ARHGAP12: variants seen among roughly 807,000 people sequenced by gnomAD.
ARHGAP12 encodes the protein Rho GTPase activating protein 12.
A neutral mutation model predicts 108.6 loss-of-function variants in ARHGAP12; 64 were observed. The observed-to-expected ratio is 0.59, with a 90% CI of 0.48 to 0.73. ARHGAP12 has a LOEUF of 0.73. Ranked by LOEUF, ARHGAP12 falls within the 30% of genes least tolerant of loss-of-function variation. The probability of loss-of-function intolerance (pLI) is 0.00; values close to 1 mark genes in which losing one functional copy is unlikely to be tolerated. For missense variants in ARHGAP12, 940 were observed against 1,005.9 expected, an observed-to-expected ratio of 0.93 and a Z score of 0.89; for synonymous variants, 312 against 337.2, an observed-to-expected ratio of 0.93 and a Z score of 0.82.
intron 4 of ARHGAP12, among the ~76,000 whole-genome samples, chr10:31,856,924 A>G (rs1836907350): frequency 6.6e-6 from 1 of 152,264 alleles, no homozygotes; most frequent in African/African-American, 2.4e-5. Flanking sequence ...AAAAAACTAT[A>G]AAGAATATTA....
chr10:31,812,471 T>C (rs1037144484), intron 15 of ARHGAP12, among the ~76,000 whole-genome samples: 2 of 152,214 alleles, frequency 1.3e-5, no homozygotes, highest in Non-Finnish European at 2.9e-5. Flanking sequence ...ATGTAGTTCC[T>C]CTGAAACAGG....
intron 1 of ARHGAP12, among the ~76,000 whole-genome samples, chr10:31,928,038 T>C (rs908613711): frequency 6.6e-6 from 1 of 151,992 alleles, no homozygotes; most frequent in Non-Finnish European, 1.5e-5. Flanking sequence ...AAGTGTCCGG[T>C]TTAAGGTCAA....
chr10:31,865,803 A>G (rs1450838081), intron 3 of ARHGAP12, among the ~76,000 whole-genome samples: 4 of 151,482 alleles, frequency 2.6e-5, no homozygotes, highest in African/African-American at 7.3e-5. Flanking sequence ...GCGTGAACCC[A>G]GGAGGCAGAG....
chr10:31,920,552 A>G (rs1212546481), intron 1 of ARHGAP12, among the ~76,000 whole-genome samples: 2 of 149,936 alleles, frequency 1.3e-5, no homozygotes, highest in Non-Finnish European at 3.0e-5. Flanking sequence ...CATCTACTGG[A>G]AAAAAAAAAT....
chr10:31,820,658 A>G (rs1835377180), intron 11 of ARHGAP12, among the ~76,000 whole-genome samples, 170 bp from the exon 12 acceptor site: 1 of 150,928 alleles, frequency 6.6e-6, no homozygotes, highest in African/African-American at 2.4e-5. Flanking sequence ...AAAAATATCT[A>G]GAATATATGA....
chr10:31,811,676 T>TTTTAG (rs1484614004), intron 15 of ARHGAP12, among the ~76,000 whole-genome samples: 2 of 151,552 alleles, frequency 1.3e-5, no homozygotes, highest in Admixed American at 6.6e-5. Flanking sequence ...TTTTATTTTA[T>TTTTAG]TTTATTTTTT....
intron 9 of ARHGAP12, among the ~76,000 whole-genome samples, chr10:31,836,561 T>C (rs1367478376): frequency 7.4e-6 from 1 of 136,048 alleles, no homozygotes; most frequent in Non-Finnish European, 1.6e-5. Context: ...AGATGAGCAA[T>C]CTGCAGGGAT....
At chr10:31,848,735 T>G (rs1836559518) in intron 6 of ARHGAP12, among the ~76,000 whole-genome samples, 1 of 152,258 alleles carries the variant, frequency 6.6e-6, no homozygotes, top group Admixed American at 6.5e-5. Context: ...CATTTAATTC[T>G]GATCATCCAC....
intron 1 of ARHGAP12, among the ~76,000 whole-genome samples, chr10:31,921,785 A>G (rs112092646): frequency 0.11 from 15,113 of 142,888 alleles, 1,130 homozygotes; most frequent in Non-Finnish European, 0.15. Flanking sequence ...AAAAAAAAAA[A>G]AAAAAGTTTG....
intron 3 of ARHGAP12, among the ~76,000 whole-genome samples, chr10:31,893,536 A>G (rs1838546961): frequency 6.7e-6 from 1 of 148,442 alleles, no homozygotes; most frequent in Non-Finnish European, 1.5e-5. Context: ...CCCTCCCAAG[A>G]CTAAACCAGG....
At chr10:31,897,489 G>T (rs925428928) in intron 3 of ARHGAP12, among the ~76,000 whole-genome samples, 1 of 152,088 alleles carries the variant, frequency 6.6e-6, no homozygotes, top group Non-Finnish European at 1.5e-5. Flanking sequence ...GTTGGGTGTG[G>T]GGTGGGGGCG....
At chr10:31,849,360 CT>C (rs1836585798) in intron 6 of ARHGAP12, among the ~76,000 whole-genome samples, 1 of 152,060 alleles carries the variant, frequency 6.6e-6, no homozygotes, top group Non-Finnish European at 1.5e-5. Flanking sequence ...CATGTTTCTT[CT>C]TTCCAAACTT....
chr10:31,863,179 A>T (rs1039799819), intron 3 of ARHGAP12, among the ~76,000 whole-genome samples: 2 of 152,232 alleles, frequency 1.3e-5, no homozygotes, highest in Non-Finnish European at 2.9e-5. Context: ...TTAGCTTCAA[A>T]TTTATCACTA....
chr10:31,908,702 G>C lies in ARHGAP12; in HGVS notation c.154C>G (p.Gln52Glu), dbSNP rs774726531. 6.2e-7 allele frequency: 1 copy of C among 1,614,064 alleles called. No homozygotes were observed. The highest frequency in any genetic ancestry group is 8.5e-7 in the Non-Finnish European group (1 of 1,180,018). The change falls in exon 3 of 20, where the codon CAA becomes GAA. Residue 52 changes from glutamine to glutamate, a missense_variant. Coordinates refer to ENST00000344936, the MANE Select transcript of ARHGAP12 (RefSeq NM_018287.7). Reference protein sequence around the residue: ...LVKKTNDDWWQVKPDENSKAF... With the variant: ...LVKKTNDDWWEVKPDENSKAF... ...TTGGAGTTTTCATCTGGCTTGACTT[G>C]CCACCAGTCATCATTGGTCTTTTTC... is the stretch of plus-strand genomic sequence containing the variant.
At chr10:31,809,984 A>G (rs368720219) in intron 16 of ARHGAP12, among the ~76,000 whole-genome samples, 16 of 152,148 alleles carry the variant, frequency 1.1e-4, no homozygotes, top group African/African-American at 3.4e-4. Flanking sequence ...CCCTATTGCC[A>G]TGTTGACAAG....
At chr10:31,894,517 A>G (rs967629355) in intron 3 of ARHGAP12, among the ~76,000 whole-genome samples, 37 of 152,192 alleles carry the variant, frequency 2.4e-4, no homozygotes, top group Non-Finnish European at 1.3e-4. Context: ...AAGAAAATAA[A>G]ATACCTAGGA....
chr10:31,885,801 A>G (rs1427223217), intron 3 of ARHGAP12, among the ~76,000 whole-genome samples: 1 of 151,554 alleles, frequency 6.6e-6, no homozygotes, highest in African/African-American at 2.4e-5. Flanking sequence ...CCTGGGTGAC[A>G]GAGCGAGACA....
chr10:31,927,149 G>A (rs1306057137), intron 1 of ARHGAP12, among the ~76,000 whole-genome samples: 2 of 152,140 alleles, frequency 1.3e-5, no homozygotes, highest in Non-Finnish European at 1.5e-5. Flanking sequence ...GGTCTGGCTC[G>A]TCAGGTGGCA....
At chr10:31,896,288 C>T (rs1473583097) in intron 3 of ARHGAP12, among the ~76,000 whole-genome samples, 4 of 135,688 alleles carry the variant, frequency 2.9e-5, no homozygotes, top group Non-Finnish European at 6.2e-5. Flanking sequence ...TCCAGGACAT[C>T]ATTAAACTTT....
Sources: allele counts gnomAD v4.1 joint callset (sites outside exome capture counted in the v4.1 genomes callset), GRCh38; gene constraint gnomAD v4.1.1; transcripts MANE v1.5; gene names NCBI Gene and HGNC (gene_info 2026-07-23, HGNC 2026-07-21).